The following ZSCAN16 variants were observed in gnomAD, a reference collection of about 807,000 sequenced individuals.
ZSCAN16 encodes the protein zinc finger and SCAN domain-containing protein 16.
In ZSCAN16, 15 loss-of-function variants were observed where a neutral mutation model predicts 19.4. The ratio of observed to expected loss-of-function variants is 0.77; its 90% CI spans 0.52 to 1.19. The LOEUF (loss-of-function observed/expected upper bound fraction) is 1.19. Ranked by LOEUF, ZSCAN16 falls within the 50% of genes most tolerant of loss-of-function variation. The pLI is 0.00. For synonymous variants in ZSCAN16, 138 were observed against 146.5 expected (o/e 0.94, Z 0.42); for missense variants, 327 against 415.7 (o/e 0.79, Z 1.86).
Position 28,129,740 on chromosome 6 carries a change from C to T in ZSCAN16, c.837C>T (p.Leu279=). The change falls in exon 4 of 4, where the codon CTC becomes CTT. Residue 279 remains leucine (L), a synonymous_variant. Coordinates refer to ENST00000340487, the MANE Select transcript of ZSCAN16 (RefSeq NM_025231.3). ...CGKAFIQRSH[L]IGHHRVHTGV... ...AAGCCTTCATTCAGCGCTCACATCT[C>T]ATTGGACATCATAGAGTACACACGG... 1.2e-6 allele frequency: 2 copies of T among 1,614,024 alleles called. No individual in the cohort carries two copies. Among genetic ancestry groups the T allele is most frequent in the Non-Finnish European group, 1.7e-6 (2 of 1,179,982 alleles).
Position 28,128,654 on chromosome 6 carries a change from G to A in ZSCAN16, c.527-776G>A, listed in dbSNP as rs75088047. The stretch of plus-strand genomic sequence containing the variant: ...CTGAGTTTGATTCTGATAAGGAGTC[G>A]TCTGTAGGAGGGAAAATCAGCAATG... On this transcript the variant is annotated intron_variant, in intron 3 of 3. Coordinates refer to ENST00000340487, the MANE Select transcript of ZSCAN16 (RefSeq NM_025231.3). Among the ~76,000 whole-genome samples, 75 of 152,204 alleles carry A rather than the reference G, an allele frequency of 4.9e-4. No individual in the cohort carries two copies. In the East Asian group the frequency reaches 0.011, roughly 22 times the overall value.
chr6:28,124,851 G>A (rs1764849245), intron 1 of ZSCAN16, among the ~76,000 whole-genome samples, 174 bp downstream of exon 1: 1 of 152,238 alleles, frequency 6.6e-6, no homozygotes, highest in South Asian at 2.1e-4. Context: ...GGGAGAGGAT[G>A]GGTGGAAGGG....
chr6:28,126,321 A>G (rs1387283589), intron 2 of ZSCAN16, among the ~76,000 whole-genome samples: 1 of 152,206 alleles, frequency 6.6e-6, no homozygotes, highest in Non-Finnish European at 1.5e-5. Flanking sequence ...TTAATCATGT[A>G]ATCAATATTT....
Position 28,129,556 on chromosome 6 carries a change from A to C in ZSCAN16, c.653A>C (p.Asp218Ala), listed in dbSNP as rs1456626946. Residue 218 changes from aspartate to alanine, a missense_variant, in exon 4 of 4, where the codon GAT (aspartate) becomes GCT (alanine). Asp to Ala is a moderately radical substitution (Grantham distance 126). Transcript: ENST00000340487. The part of the protein sequence containing the change: ...KDTPQHPKSK[D>A]IIENEGRSEW... ...ACTCCTCAGCATCCTAAGTCCAAAG[A>C]TATTATTGAAAATGAGGGCAGATCA... The C allele has an allele frequency of 6.2e-7, 1 of 1,614,064 alleles. No individual in the cohort carries two copies. The highest frequency in any genetic ancestry group is 8.5e-7 in the Non-Finnish European group (1 of 1,180,036).
chr6:28,129,733 C>G lies in ZSCAN16; in HGVS notation c.830C>G (p.Ser277Ter), dbSNP rs773709352. Residue 277 changes from serine (S) to a stop codon, truncating the protein, a stop_gained, in exon 4 of 4, where the codon TCA (serine) becomes TGA (stop). Transcript: ENST00000340487. LOFTEE classifies it low-confidence loss of function (END_TRUNC). ...DECGKAFIQR[S>*]HLIGHHRVHT... ...TGTGGAAAAGCCTTCATTCAGCGCT[C>G]ACATCTCATTGGACATCATAGAGTA... is the stretch of plus-strand genomic sequence containing the variant. 1.9e-6 allele frequency: 3 copies of G among 1,614,054 alleles called. No individual in the cohort carries two copies. In the South Asian group the frequency reaches 3.3e-5, roughly 18 times the overall value.
intron 3 of ZSCAN16, among the ~76,000 whole-genome samples, chr6:28,128,051 C>T (rs182624317): frequency 6.6e-6 from 1 of 152,278 alleles, no homozygotes; most frequent in East Asian, 1.9e-4. Flanking sequence ...GTAAAGAAGC[C>T]TTTCAGTGCT....
chr6:28,129,966 A>G lies in ZSCAN16; in HGVS notation c.*16A>G. ...ACTCTACTAATATAGCAGTAATATC[A>G]AAAGTTCTTTGGACACTCAGGCCTA... On this transcript the variant is annotated 3_prime_UTR_variant, in exon 4 of 4. Coordinates refer to ENST00000340487, the MANE Select transcript of ZSCAN16 (RefSeq NM_025231.3). 6.5e-7 allele frequency: 1 copy of G among 1,537,076 alleles called. No individual in the cohort carries two copies. Among genetic ancestry groups the G allele is most frequent in the Non-Finnish European group, 8.7e-7 (1 of 1,143,558 alleles).
intron 2 of ZSCAN16, 37 bp from the exon 3 acceptor site, chr6:28,126,746 T>C: frequency 7.2e-7 from 1 of 1,397,262 alleles, no homozygotes; most frequent in South Asian, 1.8e-5. Flanking sequence ...TACTTAAGTT[T>C]CCATAAAATT....
Position 28,129,431 on chromosome 6 carries a change from T to C in ZSCAN16, c.528T>C (p.Gly176=). ...TTGTGTACTGTTTGTTTGTTACAGG[T>C]GATAAAACTAGGACTAAGAATGAAG... The part of the protein sequence containing the change: ...EQEAGKPQRN[G]DKTRTKNEEL... The change falls in exon 4 of 4, where the codon GGT becomes GGC. Residue 176 remains glycine (G), a splice_region_variant and synonymous_variant. Coordinates refer to ENST00000340487, the MANE Select transcript of ZSCAN16 (RefSeq NM_025231.3). 6.2e-7 allele frequency: 1 copy of C among 1,601,056 alleles called. No homozygotes were observed. Among genetic ancestry groups the C allele is most frequent in the South Asian group, 1.1e-5 (1 of 88,790 alleles).
In ZSCAN16 at chr6:28,129,760, A is replaced by C. The variant is rs766113558; in HGVS notation, c.857A>C (p.His286Pro). 2.5e-6 allele frequency: 4 copies of C among 1,614,192 alleles called. No homozygotes were observed. The highest frequency in any genetic ancestry group is 2.5e-6 in the Non-Finnish European group (3 of 1,180,014). The change falls in exon 4 of 4, where the codon CAC (histidine) becomes CCC (proline). Residue 286 changes from histidine (H) to proline (P), a missense_variant. His to Pro is a moderately conservative substitution (Grantham distance 77). Transcript: ENST00000340487. ...RSHLIGHHRV[H>P]TGVKPYKCKE... ...CATCTCATTGGACATCATAGAGTAC[A>C]CACGGGAGTAAAACCCTATAAATGT...
intron 3 of ZSCAN16, among the ~76,000 whole-genome samples, chr6:28,129,217 T>G (rs1307531142): frequency 1.3e-5 from 2 of 152,250 alleles, no homozygotes; most frequent in Non-Finnish European, 2.9e-5. Flanking sequence ...TCTGCTGATA[T>G]CTTCCTTAAT....
intron 3 of ZSCAN16, 113 bp downstream of exon 3, chr6:28,127,034 C>T (rs901518567): frequency 1.8e-5 from 17 of 950,420 alleles, no homozygotes; most frequent in South Asian, 8.4e-5. Context: ...TCCTCCACCT[C>T]ACTATGGACA....
At position 28,129,797 on chromosome 6, in the gene ZSCAN16, G is replaced by A. The variant is rs1342795129; in HGVS notation, c.894G>A (p.Gly298=). 3 of 1,614,040 alleles carry A rather than the reference G, an allele frequency of 1.9e-6. No individual in the cohort carries two copies. The highest frequency in any genetic ancestry group is 1.7e-6 in the Non-Finnish European group (2 of 1,180,040). ...AACCCTATAAATGTAAAGAATGTGG[G>A]AAAGACTTCAGTGGGCGCACAGGTC... ...GVKPYKCKEC[G]KDFSGRTGLI... The change falls in exon 4 of 4, where the codon GGG becomes GGA. Residue 298 remains glycine (G), a synonymous_variant. Coordinates refer to ENST00000340487, the MANE Select transcript of ZSCAN16 (RefSeq NM_025231.3).
At chr6:28,128,249 G>C (rs1256824032) in intron 3 of ZSCAN16, among the ~76,000 whole-genome samples, 1 of 152,042 alleles carries the variant, frequency 6.6e-6, no homozygotes, top group Non-Finnish European at 1.5e-5. Context: ...CAAAGTGCTA[G>C]GATTATAAGC....
chr6:28,127,075 A>G, intron 3 of ZSCAN16, 154 bp downstream of exon 3: 1 of 627,088 alleles, frequency 1.6e-6, no homozygotes, highest in Non-Finnish European at 2.3e-6. Flanking sequence ...TTGCTCCATG[A>G]TGGAGTTATA....
chr6:28,129,824 T>A lies in ZSCAN16; in HGVS notation c.921T>A (p.Leu307=). 2.5e-6 allele frequency: 4 copies of A among 1,614,200 alleles called. No homozygotes were observed. Among genetic ancestry groups the A allele is most frequent in the Non-Finnish European group, 3.4e-6 (4 of 1,180,034 alleles). ...CGKDFSGRTG[L]IQHQRIHTGE... ...AAGACTTCAGTGGGCGCACAGGTCT[T>A]ATTCAGCATCAGAGAATCCACACAG... is the stretch of plus-strand genomic sequence containing the variant. The change falls in exon 4 of 4, where the codon CTT becomes CTA. Residue 307 remains leucine, a synonymous_variant. Transcript: ENST00000340487.
chr6:28,126,700 C>T (rs1220022813), intron 2 of ZSCAN16, 83 bp from the exon 3 acceptor site: 3 of 1,165,830 alleles, frequency 2.6e-6, no homozygotes, highest in Non-Finnish European at 3.4e-6. Flanking sequence ...TTCTATGTCC[C>T]TGGAAGATGT....
intron 3 of ZSCAN16, among the ~76,000 whole-genome samples, chr6:28,128,480 T>A (rs1286849842): frequency 6.6e-6 from 1 of 152,082 alleles, no homozygotes; most frequent in Non-Finnish European, 1.5e-5. Flanking sequence ...AGGATAGCTA[T>A]CCCTGAGGTG....
intron 3 of ZSCAN16, 64 bp downstream of exon 3, chr6:28,126,985 T>C (rs774644565): frequency 1.5e-6 from 2 of 1,317,450 alleles, no homozygotes; most frequent in Admixed American, 5.7e-5. Flanking sequence ...AGGAAAACTT[T>C]CTCACTTTCA....
Sources: gnomAD v4.1 joint callset for allele counts (sites outside exome capture counted in the v4.1 genomes callset) on GRCh38, gnomAD v4.1.1 for gene constraint, MANE v1.5 for transcripts, NCBI Gene and HGNC (gene_info 2026-07-23, HGNC 2026-07-21) for gene names.